The following SRGAP3 variants were observed in gnomAD, a reference collection of about 807,000 sequenced individuals.
SRGAP3 encodes SLIT-ROBO Rho GTPase activating protein 3.
SRGAP3 carries 39 observed loss-of-function variants against 121.1 expected under a neutral mutation model. The ratio of observed to expected loss-of-function variants is 0.32; its 90% CI spans 0.25 to 0.42. The LOEUF (loss-of-function observed/expected upper bound fraction) is 0.42. Ranked by LOEUF, SRGAP3 falls within the 10% of genes least tolerant of loss-of-function variation. SRGAP3 has a pLI of 1.00. For missense variants in SRGAP3, 1,213 were observed against 1,470.6 expected (o/e 0.82, Z 2.86); for synonymous variants, 601 against 570.0 (o/e 1.05, Z -0.77).
intron 1 of SRGAP3, among the ~76,000 whole-genome samples, chr3:9,211,940 T>A (rs977116928): frequency 2.6e-5 from 4 of 152,182 alleles, no homozygotes; most frequent in African/African-American, 9.7e-5. Context: ...TCTCCCCAAG[T>A]GCTGAGATTA....
intron 1 of SRGAP3, among the ~76,000 whole-genome samples, chr3:9,359,223 G>C (rs2030671005): frequency 6.6e-6 from 1 of 152,288 alleles, no homozygotes; most frequent in Admixed American, 6.5e-5. Flanking sequence ...GGTCCGTTCA[G>C]GTACATTCTT....
intron 18 of SRGAP3, among the ~76,000 whole-genome samples, chr3:8,997,622 T>C (rs11923696): frequency 0.023 from 3,450 of 152,296 alleles, 116 homozygotes; most frequent in African/African-American, 0.078. Context: ...AATCTGCTCT[T>C]GCCTCACTAA....
intron 4 of SRGAP3, among the ~76,000 whole-genome samples, chr3:9,072,036 T>C (rs1177180366): frequency 6.6e-6 from 1 of 152,240 alleles, no homozygotes; most frequent in South Asian, 2.1e-4. Flanking sequence ...TTGCACCAGA[T>C]TCCAGTCCCT....
intron 1 of SRGAP3, among the ~76,000 whole-genome samples, chr3:9,125,758 C>T (rs1443748563): frequency 1.3e-5 from 2 of 152,208 alleles, no homozygotes; most frequent in Non-Finnish European, 2.9e-5. Flanking sequence ...TCTTTCCAGG[C>T]CATCCCAAGA....
chr3:9,264,726 A>G (rs1954321130), intron 3 of SRGAP3, among the ~76,000 whole-genome samples: 1 of 152,244 alleles, frequency 6.6e-6, no homozygotes, highest in Non-Finnish European at 1.5e-5. Flanking sequence ...AAGAGAGGAC[A>G]CAAACAAATG....
At chr3:9,288,182 G>A (rs565612074) in intron 3 of SRGAP3, among the ~76,000 whole-genome samples, 7 of 130,958 alleles carry the variant, frequency 5.3e-5, no homozygotes, top group South Asian at 2.6e-4. Flanking sequence ...TTGTTGCCTA[G>A]ACTGGAGTGC....
At chr3:9,144,193 A>T (rs1949951591) in intron 1 of SRGAP3, among the ~76,000 whole-genome samples, 1 of 152,234 alleles carries the variant, frequency 6.6e-6, no homozygotes, top group Non-Finnish European at 1.5e-5. Flanking sequence ...TAGGATAAAG[A>T]CCAAAACCTT....
chr3:9,058,128 C>T, intron 7 of SRGAP3, 123 bp downstream of exon 7: 1 of 1,035,260 alleles, frequency 9.7e-7, no homozygotes, highest in Non-Finnish European at 1.5e-6. Context: ...GCCCATGAAC[C>T]AGGAGCTTGA....
At chr3:9,031,178 C>T (rs1251472442) in intron 12 of SRGAP3, among the ~76,000 whole-genome samples, 1 of 152,146 alleles carries the variant, frequency 6.6e-6, no homozygotes, top group East Asian at 1.9e-4. Flanking sequence ...CACTTTCTGC[C>T]TTTTGTGTTT....
chr3:9,136,241 G>C (rs1001739627), intron 1 of SRGAP3, among the ~76,000 whole-genome samples: 1 of 152,144 alleles, frequency 6.6e-6, no homozygotes, highest in Admixed American at 6.5e-5. Context: ...CCCCATTGCC[G>C]CCCTTCTCCT....
At chr3:9,292,604 A>T (rs936789506) in intron 3 of SRGAP3, 7 of 152,170 alleles carry the variant, frequency 4.6e-5, no homozygotes, top group Admixed American at 4.6e-4. Flanking sequence ...TCATTTTCTC[A>T]TGTTTTATTA....
chr3:9,322,175 GGT>G (rs1955448103), intron 3 of SRGAP3, among the ~76,000 whole-genome samples: 1 of 151,654 alleles, frequency 6.6e-6, no homozygotes, highest in Non-Finnish European at 1.5e-5. Context: ...CGTAGATTGT[GGT>G]GTGAGTTCAA....
At chr3:9,068,492 G>A (rs943607580) in intron 4 of SRGAP3, among the ~76,000 whole-genome samples, 3 of 152,050 alleles carry the variant, frequency 2.0e-5, no homozygotes, top group Non-Finnish European at 4.4e-5. Context: ...CAAGTACCCT[G>A]GGGCCAAACT....
intron 1 of SRGAP3, among the ~76,000 whole-genome samples, chr3:9,153,464 C>A (rs939215103): frequency 4.6e-5 from 7 of 152,204 alleles, no homozygotes; most frequent in Non-Finnish European, 1.0e-4. Flanking sequence ...TCAACATATC[C>A]TTACCCACAT....
At chr3:9,073,292 C>T (rs1037927983) in intron 4 of SRGAP3, among the ~76,000 whole-genome samples, 6 of 152,200 alleles carry the variant, frequency 3.9e-5, no homozygotes, top group Non-Finnish European at 7.4e-5. Context: ...TATAGGTACC[C>T]GCTAACATGC....
chr3:9,054,336 C>T (rs908353018), intron 8 of SRGAP3, among the ~76,000 whole-genome samples: 3 of 152,184 alleles, frequency 2.0e-5, no homozygotes, highest in Non-Finnish European at 2.9e-5. Flanking sequence ...AGCCTACAAC[C>T]GGGAGGCTTC....
intron 18 of SRGAP3, among the ~76,000 whole-genome samples, chr3:8,998,118 G>A (rs1942523685): frequency 6.6e-6 from 1 of 152,082 alleles, no homozygotes; most frequent in Admixed American, 6.5e-5. Context: ...CGAACTTCTG[G>A]ACTCGAGTGA....
chr3:9,053,247 C>G, intron 8 of SRGAP3, 23 bp from the exon 9 acceptor site: 13 of 1,608,454 alleles, frequency 8.1e-6, no homozygotes, highest in Non-Finnish European at 1.0e-5. Context: ...AGCAGATTGA[C>G]AAAAATCCTG....
At chr3:9,086,476 T>C (rs992579554) in intron 3 of SRGAP3, among the ~76,000 whole-genome samples, 2 of 141,066 alleles carry the variant, frequency 1.4e-5, no homozygotes, top group Non-Finnish European at 3.0e-5. Flanking sequence ...GCTGAGATTG[T>C]GCCACTGCAT....
Sources: allele counts gnomAD v4.1 joint callset (sites outside exome capture counted in the v4.1 genomes callset), GRCh38; gene constraint gnomAD v4.1.1; transcripts MANE v1.5; gene names NCBI Gene and HGNC (gene_info 2026-07-23, HGNC 2026-07-21).